Variants in KCNAB1 observed in about 807,000 individuals in gnomAD.
KCNAB1 encodes voltage-gated potassium channel subunit beta-1.
KCNAB1 carries 35 observed loss-of-function variants against 64.6 expected under a neutral mutation model. The ratio of observed to expected loss-of-function variants is 0.54; its 90% CI spans 0.41 to 0.72. The LOEUF (loss-of-function observed/expected upper bound fraction) is 0.72, where lower values mean the gene tolerates loss of function less well. KCNAB1 is among the 30% of genes least tolerant of loss of function. The pLI, the probability that KCNAB1 is intolerant of heterozygous loss-of-function variation, is 0.00. For synonymous variants in KCNAB1, 177 were observed against 183.8 expected (o/e 0.96, Z 0.30); for missense variants, 401 against 512.9 (o/e 0.78, Z 2.11).
intron 1 of KCNAB1, among the ~76,000 whole-genome samples, chr3:156,205,216 A>G (rs951062059): frequency 1.7e-4 from 26 of 152,218 alleles, no homozygotes; most frequent in Non-Finnish European, 3.1e-4. Flanking sequence ...ATTGAGCTAT[A>G]TTGGTTCTAT....
At chr3:156,198,913 ATTTTTT>A (rs71138701) in intron 1 of KCNAB1, among the ~76,000 whole-genome samples, 1 of 21,294 alleles carries the variant, frequency 4.7e-5, no homozygotes, top group Non-Finnish European at 9.0e-5. Flanking sequence ...TTATATTTTG[ATTTTTT>A]TTTTTTTTTT....
chr3:156,130,181 G>A (rs1445838535), intron 1 of KCNAB1, among the ~76,000 whole-genome samples: 1 of 152,200 alleles, frequency 6.6e-6, no homozygotes, highest in Non-Finnish European at 1.5e-5. Context: ...TGCTCTGTAT[G>A]TTATAAACCA....
At chr3:156,208,592 T>G (rs1054091342) in intron 1 of KCNAB1, among the ~76,000 whole-genome samples, 3 of 152,142 alleles carry the variant, frequency 2.0e-5, no homozygotes, top group African/African-American at 4.8e-5. Flanking sequence ...TGTGTTGTAC[T>G]CTGAGTGTGT....
intron 1 of KCNAB1, among the ~76,000 whole-genome samples, chr3:156,220,578 G>A (rs1458725982): frequency 2.6e-5 from 4 of 152,062 alleles, no homozygotes; most frequent in Non-Finnish European, 4.4e-5. Flanking sequence ...ATTTTTTCTT[G>A]TAAATTTGTT....
At chr3:156,448,883 T>G (rs1270454926) in intron 2 of KCNAB1, among the ~76,000 whole-genome samples, 1 of 152,168 alleles carries the variant, frequency 6.6e-6, no homozygotes, top group East Asian at 1.9e-4. Flanking sequence ...TTACTGACCA[T>G]GTACTAAGAA....
intron 1 of KCNAB1, among the ~76,000 whole-genome samples, chr3:156,194,945 C>G (rs1339932367): frequency 6.6e-6 from 1 of 151,998 alleles, no homozygotes; most frequent in African/African-American, 2.4e-5. Flanking sequence ...TTTCCCCCCA[C>G]CCCCAACAGG....
intron 1 of KCNAB1, among the ~76,000 whole-genome samples, chr3:156,367,631 CTT>C (rs768548370): frequency 4.4e-4 from 67 of 152,170 alleles, no homozygotes; most frequent in Non-Finnish European, 8.5e-4. Flanking sequence ...TTTGAGGAGA[CTT>C]TTCATTTTTC....
chr3:156,196,501 G>T (rs1713958795), intron 1 of KCNAB1, among the ~76,000 whole-genome samples: 1 of 152,080 alleles, frequency 6.6e-6, no homozygotes, highest in African/African-American at 2.4e-5. Context: ...GTGGTTTATA[G>T]TTCTCCTTGA....
intron 1 of KCNAB1, among the ~76,000 whole-genome samples, chr3:156,183,694 C>T (rs1713009231): frequency 6.6e-6 from 1 of 152,194 alleles, no homozygotes; most frequent in Non-Finnish European, 1.5e-5. Context: ...GAACCTAGGT[C>T]CTTGACTCTG....
intron 1 of KCNAB1, among the ~76,000 whole-genome samples, chr3:156,371,155 G>A (rs1726279866): frequency 6.6e-6 from 1 of 152,170 alleles, no homozygotes; most frequent in Non-Finnish European, 1.5e-5. Flanking sequence ...GATATGCTTA[G>A]ATTATTGTTT....
intron 1 of KCNAB1, among the ~76,000 whole-genome samples, chr3:156,224,402 C>G (rs1164174186): frequency 1.4e-4 from 21 of 152,258 alleles, no homozygotes; most frequent in Admixed American, 1.4e-3. Context: ...AAGGGCTCTT[C>G]AAGCACGGCC....
chr3:156,283,918 C>T (rs1444537349), intron 1 of KCNAB1, among the ~76,000 whole-genome samples: 1 of 151,106 alleles, frequency 6.6e-6, no homozygotes, highest in Admixed American at 6.6e-5. Flanking sequence ...TGAATGTCCT[C>T]CCGTAGCTCA....
At chr3:156,539,094 A>G (rs551169032), downstream of KCNAB1, 1 of 152,306 alleles carries the variant, frequency 6.6e-6, no homozygotes, top group East Asian at 1.9e-4. Context: ...TTCTCTTCCA[A>G]AAAGAATTCC....
At chr3:156,280,042 C>T (rs1576672065) in intron 1 of KCNAB1, among the ~76,000 whole-genome samples, 1 of 146,642 alleles carries the variant, frequency 6.8e-6, no homozygotes, top group African/African-American at 2.6e-5. Context: ...AGTCCTTGCC[C>T]ATGCCTATGT....
chr3:156,199,744 C>T (rs367604725), intron 1 of KCNAB1, among the ~76,000 whole-genome samples: 17 of 152,294 alleles, frequency 1.1e-4, no homozygotes, highest in African/African-American at 3.8e-4. Flanking sequence ...TTCTTAGCTT[C>T]CTTGTATTGG....
chr3:156,165,774 G>A (rs904242912), intron 1 of KCNAB1, among the ~76,000 whole-genome samples: 5 of 152,064 alleles, frequency 3.3e-5, no homozygotes, highest in Admixed American at 6.6e-5. Context: ...GTTCTTCTGA[G>A]CTCTCCTGGT....
chr3:156,219,513 T>A (rs1052544441), intron 1 of KCNAB1, among the ~76,000 whole-genome samples: 34 of 151,836 alleles, frequency 2.2e-4, no homozygotes, highest in African/African-American at 7.7e-4. Context: ...AGAAGAGGAA[T>A]CTAAAAGTTT....
chr3:156,197,276 T>G (rs930417602), intron 1 of KCNAB1, among the ~76,000 whole-genome samples: 11 of 151,884 alleles, frequency 7.2e-5, no homozygotes, highest in African/African-American at 2.4e-4. Context: ...TTTTTGTGTG[T>G]GTGTGTCTCT....
At chr3:156,421,333 C>T (rs555577210) in intron 1 of KCNAB1, among the ~76,000 whole-genome samples, 17 of 152,230 alleles carry the variant, frequency 1.1e-4, no homozygotes, top group African/African-American at 4.1e-4. Flanking sequence ...GAGAGAAAGC[C>T]AGTAAATGGG....
Sources: allele counts gnomAD v4.1 joint callset (sites outside exome capture counted in the v4.1 genomes callset), GRCh38; gene constraint gnomAD v4.1.1; transcripts MANE v1.5; gene names NCBI Gene and HGNC (gene_info 2026-07-23, HGNC 2026-07-21).